IGFBP2: variants seen among roughly 807,000 people sequenced by gnomAD.
The protein encoded by IGFBP2 is insulin-like growth factor-binding protein 2.
A neutral mutation model predicts 26.2 loss-of-function variants in IGFBP2; 12 were observed. The ratio of observed to expected loss-of-function variants is 0.46; its 90% CI spans 0.29 to 0.74. IGFBP2 has a LOEUF of 0.74. Among genes scored for constraint, IGFBP2 ranks in the 30% least tolerant of loss-of-function variants. The pLI is 0.09. For synonymous variants in IGFBP2, 189 were observed against 200.6 expected (o/e 0.94, Z 0.49); for missense variants, 328 against 441.2 (o/e 0.74, Z 2.30).
At position 216,634,652 on chromosome 2, in the gene IGFBP2, A is replaced by G. The variant is rs545264456; in HGVS notation, c.442+687A>G. Reference sequence around the variant, plus strand: ...GTCTCCTAGCAGCTGAATCAATGTAACTTAAGCCCGATCGCCGGCTGCATT... The same window carrying G: ...GTCTCCTAGCAGCTGAATCAATGTAGCTTAAGCCCGATCGCCGGCTGCATT... On this transcript the variant is annotated intron_variant, in intron 1 of 3. Coordinates refer to ENST00000233809, the MANE Select transcript of IGFBP2 (RefSeq NM_000597.3). Among the ~76,000 whole-genome samples the G allele has an allele frequency of 3.3e-5, 5 of 152,246 alleles. No homozygotes were observed. In the South Asian group the frequency reaches 1.0e-3, roughly 32 times the overall value.
intron 2 of IGFBP2, 30 bp from the exon 3 acceptor site, chr2:216,661,828 C>G (rs1225666145): frequency 6.2e-7 from 1 of 1,613,632 alleles, no homozygotes. Context: ...TGTCCTCACT[C>G]CGGGCGTCCC....
At chr2:216,661,712 C>T in intron 2 of IGFBP2, 146 bp from the exon 3 acceptor site, 1 of 920,718 alleles carries the variant, frequency 1.1e-6, no homozygotes, top group Non-Finnish European at 1.7e-6. Flanking sequence ...GGCAGGCTGT[C>T]AGAAGTCCCT....
chr2:216,655,329 G>A (rs1479397163), intron 1 of IGFBP2, among the ~76,000 whole-genome samples: 1 of 152,208 alleles, frequency 6.6e-6, no homozygotes, highest in Non-Finnish European at 1.5e-5. Context: ...ATCAGGTGGA[G>A]GTAACTGAAT....
At chr2:216,651,690 T>G (rs749335955) in intron 1 of IGFBP2, among the ~76,000 whole-genome samples, 1 of 152,240 alleles carries the variant, frequency 6.6e-6, no homozygotes, top group Non-Finnish European at 1.5e-5. Flanking sequence ...AATCAGACAT[T>G]ACCTAGCCTT....
chr2:216,654,618 A>G (rs1697885129), intron 1 of IGFBP2, among the ~76,000 whole-genome samples: 3 of 152,130 alleles, frequency 2.0e-5, no homozygotes, highest in African/African-American at 7.2e-5. Context: ...CTGGGCTTCT[A>G]CTTCAAGATG....
intron 1 of IGFBP2, chr2:216,659,651 C>T: frequency 1.5e-6 from 2 of 1,339,444 alleles, no homozygotes; most frequent in Non-Finnish European, 2.1e-6. Context: ...TTCAAGGCCT[C>T]CTTCACCTAG....
chr2:216,654,800 A>G (rs1197902572), intron 1 of IGFBP2, among the ~76,000 whole-genome samples: 2 of 152,194 alleles, frequency 1.3e-5, no homozygotes, highest in South Asian at 2.1e-4. Flanking sequence ...TGAGATCAAT[A>G]AAGAAATGGA....
At position 216,660,657 on chromosome 2, in the gene IGFBP2, C is replaced by G. The variant is rs1476206068; in HGVS notation, c.543C>G (p.Leu181=). The change falls in exon 2 of 4, where the codon CTC becomes CTG. Residue 181 remains leucine, a synonymous_variant. Transcript: ENST00000233809. ...GGGGSAGRKP[L]KSGMKELAVF... ...GAGGCAGTGCTGGCCGGAAGCCCCT[C>G]AAGTCGGGTATGAAGGAGCTGGCCG... 1.9e-6 allele frequency: 3 copies of G among 1,614,022 alleles called. No homozygotes were observed. The highest frequency in any genetic ancestry group is 3.3e-5 in the Admixed American group (2 of 60,002).
intron 1 of IGFBP2, among the ~76,000 whole-genome samples, chr2:216,650,213 A>G (rs1559177708): frequency 6.6e-6 from 1 of 152,172 alleles, no homozygotes; most frequent in East Asian, 1.9e-4. Flanking sequence ...TCTTATTTTT[A>G]GCAAGCTCAT....
chr2:216,632,859 C>T (rs1697405397), upstream of IGFBP2: 2 of 152,122 alleles, frequency 1.3e-5, no homozygotes, highest in African/African-American at 4.8e-5. Flanking sequence ...GTCACTAAGA[C>T]CATTCGGGGC....
chr2:216,639,682 A>G (rs1031916803), intron 1 of IGFBP2, among the ~76,000 whole-genome samples: 4 of 151,450 alleles, frequency 2.6e-5, no homozygotes, highest in African/African-American at 9.7e-5. Flanking sequence ...TTGCTCTGTC[A>G]CCCAGGCTGG....
At chr2:216,634,202 C>T (rs1350851573) in intron 1 of IGFBP2, among the ~76,000 whole-genome samples, 1 of 152,198 alleles carries the variant, frequency 6.6e-6, no homozygotes, top group African/African-American at 2.4e-5. Flanking sequence ...AGAGGAAAGG[C>T]ATCCCTGCTG....
At chr2:216,662,264 T>C (rs1688671833) in intron 3 of IGFBP2, 1 of 516,046 alleles carries the variant, frequency 1.9e-6, no homozygotes, top group Non-Finnish European at 3.5e-6. Context: ...GAGGAGGCTC[T>C]TGGAGAAGGG....
chr2:216,663,778 G>C (rs1688703226), intron 3 of IGFBP2, 162 bp from the exon 4 acceptor site: 1 of 670,426 alleles, frequency 1.5e-6, no homozygotes, highest in Non-Finnish European at 2.5e-6. Context: ...ATGGGAATCT[G>C]CATTTTATCA....
intron 1 of IGFBP2, among the ~76,000 whole-genome samples, chr2:216,636,299 CTT>C (rs1697494644): frequency 6.6e-6 from 1 of 152,200 alleles, no homozygotes; most frequent in Non-Finnish European, 1.5e-5. Flanking sequence ...CTGCATTCCT[CTT>C]TGAGCAGGTT....
At chr2:216,637,554 T>C (rs1427012146) in intron 1 of IGFBP2, among the ~76,000 whole-genome samples, 1 of 152,240 alleles carries the variant, frequency 6.6e-6, no homozygotes, top group Non-Finnish European at 1.5e-5. Context: ...TCCCTTTGTG[T>C]GGTGGTAATG....
chr2:216,640,751 C>T (rs72547221), intron 1 of IGFBP2, among the ~76,000 whole-genome samples: 2 of 152,228 alleles, frequency 1.3e-5, no homozygotes, highest in Non-Finnish European at 2.9e-5. Flanking sequence ...TTGACCGTAT[C>T]AACCAGCAGT....
In IGFBP2 at chr2:216,663,826, C is replaced by T. The variant is rs1015727679; in HGVS notation, c.814-114C>T. ...GCATATTTGAAGTTGCGAAGCTCCA[C>T]CCGGCAGCGCATGGGTAGCTGCAAG... On this transcript the variant is annotated intron_variant, in intron 3 of 3. Transcript: ENST00000233809. 7 of 1,122,194 alleles carry T rather than the reference C, an allele frequency of 6.2e-6. No homozygotes were observed. The East Asian group carries it at 1.0e-4, about 16-fold the overall frequency. 69.5% of individuals were successfully genotyped at this position (1,122,194 alleles called of 1,614,324 possible).
Position 216,633,420 on chromosome 2 carries a change from G to A in IGFBP2, c.-104G>A, listed in dbSNP as rs1008153960. The A allele has an allele frequency of 1.8e-4, 33 of 179,118 alleles. No individual in the cohort carries two copies. The highest frequency in any genetic ancestry group is 2.6e-4 in the Non-Finnish European group (24 of 91,554). 11.1% of individuals were successfully genotyped at this position (179,118 alleles called of 1,614,324 possible). A position where few individuals can be genotyped will look rare whatever the true frequency, so the allele number is the denominator to read the frequency against. On this transcript the variant is annotated 5_prime_UTR_variant, in exon 1 of 4. Coordinates refer to ENST00000233809, the MANE Select transcript of IGFBP2 (RefSeq NM_000597.3). ...GGACCCGGCTGCGGCGGCGAGGGAG[G>A]AGGAAGAAGCGGAGGAGGCGGCTCC...
Sources: allele counts gnomAD v4.1 joint callset (sites outside exome capture counted in the v4.1 genomes callset), GRCh38; gene constraint gnomAD v4.1.1; transcripts MANE v1.5; gene names NCBI Gene and HGNC (gene_info 2026-07-23, HGNC 2026-07-21).